The following CYP4X1 variants were observed in gnomAD, a reference collection of about 807,000 sequenced individuals.
CYP4X1 encodes the protein cytochrome P450 family 4 subfamily X member 1.
In CYP4X1, 44 loss-of-function variants were observed where a neutral mutation model predicts 57.9. The ratio of observed to expected loss-of-function variants is 0.76; its 90% CI spans 0.60 to 0.98. The LOEUF (loss-of-function observed/expected upper bound fraction) is 0.98. CYP4X1 is among the 50% of genes least tolerant of loss of function. CYP4X1 has a pLI of 0.00. For missense variants in CYP4X1, 532 were observed against 623.9 expected, an observed-to-expected ratio of 0.85 and a Z score of 1.57; for synonymous variants, 227 against 228.6, an observed-to-expected ratio of 0.99 and a Z score of 0.06.
At chr1:46,983,534 G>A in the CYP4X1 span, among the ~76,000 whole-genome samples, 2 of 152,200 alleles carry the variant, frequency 1.3e-5, no homozygotes, top group East Asian at 1.9e-4. Flanking sequence ...ATGCAGAGCC[G>A]CCACTGACTG....
chr1:47,053,313 A>C (rs905887084), downstream of CYP4X1, among the ~76,000 whole-genome samples: 10 of 152,076 alleles, frequency 6.6e-5, no homozygotes, highest in Admixed American at 3.3e-4. Context: ...AATCCAGTCT[A>C]TCATTGTTGG....
At chr1:47,029,437 T>C (rs1644103023) in intron 1 of CYP4X1, among the ~76,000 whole-genome samples, 1 of 152,224 alleles carries the variant, frequency 6.6e-6, no homozygotes, top group South Asian at 2.1e-4. Context: ...TAAATGGACC[T>C]TCTGTTGTTG....
At chr1:47,000,145 G>C in the CYP4X1 span, among the ~76,000 whole-genome samples, 1 of 152,078 alleles carries the variant, frequency 6.6e-6, no homozygotes, top group Non-Finnish European at 1.5e-5. Flanking sequence ...ATGATAATGA[G>C]GGGAGTTCTC....
At chr1:46,995,952 AG>A in the CYP4X1 span, among the ~76,000 whole-genome samples, 1 of 152,214 alleles carries the variant, frequency 6.6e-6, no homozygotes, top group Non-Finnish European at 1.5e-5. Flanking sequence ...CCTGAGATAC[AG>A]CAGCAGAAAG....
At chr1:47,020,478 C>A (rs965471276), upstream of CYP4X1, among the ~76,000 whole-genome samples, 2 of 152,236 alleles carry the variant, frequency 1.3e-5, no homozygotes, top group Admixed American at 6.5e-5. Flanking sequence ...TCATTACTGG[C>A]TCCTTTGTCT....
upstream of CYP4X1, among the ~76,000 whole-genome samples, chr1:47,022,869 G>A (rs1258954127): frequency 6.6e-6 from 1 of 152,194 alleles, no homozygotes; most frequent in Admixed American, 6.5e-5. Flanking sequence ...AGGGAGGTGG[G>A]GGGAGACACC....
the CYP4X1 span, among the ~76,000 whole-genome samples, chr1:47,007,302 T>C: frequency 6.6e-6 from 1 of 152,168 alleles, no homozygotes; most frequent in Non-Finnish European, 1.5e-5. Context: ...CCGCTGCTGA[T>C]ACCCAGGCAA....
At chr1:47,026,623 T>C (rs1358109090) in intron 1 of CYP4X1, among the ~76,000 whole-genome samples, 2 of 152,158 alleles carry the variant, frequency 1.3e-5, no homozygotes, top group African/African-American at 4.8e-5. Context: ...GTAGATCAGT[T>C]TGGGGATTAT....
At chr1:46,968,839 T>C in the CYP4X1 span, among the ~76,000 whole-genome samples, 1 of 152,216 alleles carries the variant, frequency 6.6e-6, no homozygotes, top group Non-Finnish European at 1.5e-5. Context: ...TCATGGTGTA[T>C]GGGACTTTAC....
chr1:47,013,096 G>A, the CYP4X1 span, among the ~76,000 whole-genome samples: 1 of 152,028 alleles, frequency 6.6e-6, no homozygotes, highest in Admixed American at 6.6e-5. Flanking sequence ...TTCATTCCGA[G>A]TTTGTTGGTG....
the CYP4X1 span, among the ~76,000 whole-genome samples, chr1:46,965,351 G>A: frequency 6.6e-6 from 1 of 152,220 alleles, no homozygotes; most frequent in Admixed American, 6.5e-5. Flanking sequence ...TGCTCACGCT[G>A]GGAGCTGTAG....
chr1:47,046,666 G>A, intron 9 of CYP4X1, 66 bp downstream of exon 9: 1 of 1,607,666 alleles, frequency 6.2e-7, no homozygotes, highest in Non-Finnish European at 8.5e-7. Context: ...CAGTGACAAA[G>A]ATTAGTGAGT....
At chr1:47,001,133 A>G in the CYP4X1 span, 1 of 220,818 alleles carries the variant, frequency 4.5e-6, no homozygotes, top group African/African-American at 2.3e-5. Context: ...CCCATTTTGT[A>G]CTGGACAGGC....
At chr1:46,964,575 G>A in the CYP4X1 span, among the ~76,000 whole-genome samples, 1 of 152,206 alleles carries the variant, frequency 6.6e-6, no homozygotes, top group Non-Finnish European at 1.5e-5. Context: ...AACAGCAGAT[G>A]TTGCTGCCTG....
At chr1:47,012,968 C>T in the CYP4X1 span, among the ~76,000 whole-genome samples, 8 of 151,820 alleles carry the variant, frequency 5.3e-5, no homozygotes, top group Non-Finnish European at 8.8e-5. Flanking sequence ...TTTTTTCCTA[C>T]GTTTTGTTGT....
At chr1:46,967,229 C>A in the CYP4X1 span, among the ~76,000 whole-genome samples, 2 of 152,134 alleles carry the variant, frequency 1.3e-5, no homozygotes, top group African/African-American at 4.8e-5. Context: ...AGAGATTCTC[C>A]CTAGAGCCCC....
chr1:47,045,552 A>C (rs1644291761), intron 8 of CYP4X1, among the ~76,000 whole-genome samples: 1 of 152,162 alleles, frequency 6.6e-6, no homozygotes, highest in South Asian at 2.1e-4. Flanking sequence ...CCAGCTTGGT[A>C]CTTCTTTGGT....
intron 8 of CYP4X1, among the ~76,000 whole-genome samples, chr1:47,042,718 C>T (rs1436555179): frequency 6.6e-6 from 1 of 152,202 alleles, no homozygotes; most frequent in East Asian, 1.9e-4. Flanking sequence ...GTTTGGTTCT[C>T]CATTTCTGAG....
the CYP4X1 span, among the ~76,000 whole-genome samples, chr1:46,983,777 T>TTACC: frequency 1.3e-5 from 2 of 152,136 alleles, no homozygotes; most frequent in African/African-American, 4.8e-5. Flanking sequence ...GGCATGTCCA[T>TTACC]TACCTCTGGG....
Sources: allele counts gnomAD v4.1 joint callset (sites outside exome capture counted in the v4.1 genomes callset), GRCh38; gene constraint gnomAD v4.1.1; transcripts MANE v1.5; gene names NCBI Gene and HGNC (gene_info 2026-07-23, HGNC 2026-07-21).